Variants in ATG4C observed in about 807,000 individuals in gnomAD.
The protein encoded by ATG4C is cysteine protease ATG4C.
ATG4C carries 56 observed loss-of-function variants against 57.6 expected under a neutral mutation model. The ratio of observed to expected loss-of-function variants is 0.97; its 90% CI spans 0.78 to 1.21. ATG4C has a LOEUF of 1.21. ATG4C is among the 50% of genes most tolerant of loss of function. The pLI, the probability that ATG4C is intolerant of heterozygous loss-of-function variation, is 0.00. For synonymous variants in ATG4C, 157 were observed against 174.1 expected (o/e 0.90, Z 0.78); for missense variants, 595 against 529.8 (o/e 1.12, Z -1.21).
intron 1 of ATG4C, among the ~76,000 whole-genome samples, chr1:62,797,729 C>T (rs556178296): frequency 6.6e-6 from 1 of 152,212 alleles, no homozygotes; most frequent in South Asian, 2.1e-4. Context: ...CAACCTTATA[C>T]TGTTTTTCTT....
At chr1:62,847,331 C>G (rs767851562) in intron 10 of ATG4C, among the ~76,000 whole-genome samples, 1 of 152,164 alleles carries the variant, frequency 6.6e-6, no homozygotes, top group Admixed American at 6.5e-5. Flanking sequence ...CTGTCTGGAG[C>G]TGGATATGCA....
chr1:62,839,229 A>C (rs1158569227), intron 9 of ATG4C, among the ~76,000 whole-genome samples: 3 of 152,072 alleles, frequency 2.0e-5, no homozygotes, highest in South Asian at 2.1e-4. Flanking sequence ...TGGCTATTTA[A>C]AATTTTTTTT....
rs189426910 is a variant in ATG4C, at chr1:62,793,332, C to T, written c.-69+9059C>T. Among the ~76,000 whole-genome samples the T allele has an allele frequency of 7.0e-4, 106 of 151,832 alleles. 2 individuals are homozygous for T. The highest frequency in any genetic ancestry group is 2.5e-3 in the African/African-American group (104 of 41,400). On this transcript the variant is annotated intron_variant, in intron 1 of 10. Transcript: ENST00000317868. ...CTGTTAATATTAATACTTACTAGTG[C>T]CAGGCACAGTGGCTCATGCCTGTAG...
chr1:62,816,026 A>G (rs982692813), intron 3 of ATG4C, among the ~76,000 whole-genome samples: 1 of 152,108 alleles, frequency 6.6e-6, no homozygotes, highest in African/African-American at 2.4e-5. Flanking sequence ...TGGGGATTAT[A>G]GATGTGAGCC....
chr1:62,819,106 T>C lies in ATG4C; in HGVS notation c.496T>C (p.Ser166Pro). The part of the protein sequence containing the change: ...KFTASFEASL[S>P]GEREFKTPTI... ...TACTGCATCATTTGAAGCATCACTT[T>C]CAGGGGAAAGAGAATTCAAAACCCC... The change falls in exon 5 of 11, where the codon TCA becomes CCA. Residue 166 changes from serine (S) to proline (P), a missense_variant. Physicochemically the swap from Ser to Pro is moderately conservative, Grantham distance 74. Transcript: ENST00000317868. 2 of 1,613,112 alleles carry C rather than the reference T, an allele frequency of 1.2e-6. No individual in the cohort carries two copies. The highest frequency in any genetic ancestry group is 1.7e-6 in the Non-Finnish European group (2 of 1,179,494).
At chr1:62,851,486 GT>G (rs1666519345) in intron 10 of ATG4C, among the ~76,000 whole-genome samples, 1 of 152,008 alleles carries the variant, frequency 6.6e-6, no homozygotes, top group Non-Finnish European at 1.5e-5. Flanking sequence ...TCATTGATAG[GT>G]TCTTGGAAAC....
At position 62,810,443 on chromosome 1, in the gene ATG4C, T is replaced by C. The variant is rs573316270; in HGVS notation, c.160+5188T>C. ...TATTCTCTTCACCTCATTTAAGATA[T>C]TTTAATGCTAACATTTTCTTTTTGT... On this transcript the variant is annotated intron_variant, in intron 3 of 10. Coordinates refer to ENST00000317868, the MANE Select transcript of ATG4C (RefSeq NM_032852.4). 3.9e-5 allele frequency among the ~76,000 whole-genome samples: 6 copies of C among 152,330 alleles called. No individual in the cohort carries two copies. The South Asian group carries it at 1.2e-3, about 32-fold the overall frequency.
intron 10 of ATG4C, among the ~76,000 whole-genome samples, chr1:62,855,651 T>C (rs1337012484): frequency 6.6e-6 from 1 of 152,232 alleles, no homozygotes; most frequent in Non-Finnish European, 1.5e-5. Flanking sequence ...AGCTAACATT[T>C]GTTGAGTCTT....
intron 3 of ATG4C, among the ~76,000 whole-genome samples, chr1:62,808,250 T>C (rs960759749): frequency 1.4e-4 from 21 of 152,116 alleles, no homozygotes; most frequent in African/African-American, 4.8e-4. Context: ...ATCTGGCAGA[T>C]GATTGGATTT....
intron 9 of ATG4C, 40 bp downstream of exon 9, chr1:62,834,892 T>G: frequency 6.7e-7 from 1 of 1,501,984 alleles, no homozygotes; most frequent in Non-Finnish European, 9.2e-7. Context: ...TCTTACCATA[T>G]GAAGTAAACT....
chr1:62,811,788 A>G (rs11582138), intron 3 of ATG4C, among the ~76,000 whole-genome samples: 22,544 of 152,162 alleles, frequency 0.15, 1,922 homozygotes, highest in Middle Eastern at 0.21. Context: ...TGCTTCCTTT[A>G]TAGTAATTCC....
At chr1:62,827,690 A>C (rs2100329752) in intron 6 of ATG4C, among the ~76,000 whole-genome samples, 1 of 152,228 alleles carries the variant, frequency 6.6e-6, no homozygotes, top group East Asian at 1.9e-4. Context: ...TCAGGGGTAC[A>C]TGTGGTACTT....
At chr1:62,805,117 G>A in intron 2 of ATG4C, 55 bp from the exon 3 acceptor site, 2 of 1,479,304 alleles carry the variant, frequency 1.4e-6, no homozygotes, top group South Asian at 1.4e-5. Flanking sequence ...TAGACTTTTA[G>A]TCTGAAATCT....
intron 4 of ATG4C, 118 bp from the exon 5 acceptor site, chr1:62,818,886 AT>A: frequency 1.3e-6 from 1 of 764,796 alleles, no homozygotes; most frequent in Non-Finnish European, 2.0e-6. Context: ...GTATTTACCT[AT>A]TTTTGAATTT....
chr1:62,827,338 CT>C (rs138962849), intron 6 of ATG4C, among the ~76,000 whole-genome samples: 8,049 of 152,182 alleles, frequency 0.053, 723 homozygotes, highest in African/African-American at 0.18. Flanking sequence ...ACTTTTTGAT[CT>C]TTTAACTTGG....
chr1:62,788,430 T>C (rs185513256), intron 1 of ATG4C, among the ~76,000 whole-genome samples: 2 of 146,446 alleles, frequency 1.4e-5, no homozygotes, highest in East Asian at 2.0e-4. Flanking sequence ...TCTCTATAAA[T>C]ACACACACAC....
At chr1:62,861,755 C>T (rs1007969937) in intron 10 of ATG4C, among the ~76,000 whole-genome samples, 4 of 151,940 alleles carry the variant, frequency 2.6e-5, no homozygotes, top group Non-Finnish European at 5.9e-5. Flanking sequence ...AATTTTATAG[C>T]TTTATATCTT....
Position 62,805,225 on chromosome 1 carries a change from C to G in ATG4C, c.130C>G (p.Leu44Val), listed in dbSNP as rs143982322. ...TAGTAGAAATTCTCCTGTATTATTG[C>G]TTGGAAAATGTTACCATTTTAAATA... ...YFSRNSPVLL[L>V]GKCYHFKYED... Residue 44 changes from leucine (L) to valine (V), a missense_variant, in exon 3 of 11, where the codon CTT (leucine) becomes GTT (valine). Coordinates refer to ENST00000317868, the MANE Select transcript of ATG4C (RefSeq NM_032852.4). 6.0e-6 allele frequency: 9 copies of G among 1,504,590 alleles called. No individual in the cohort carries two copies. Among genetic ancestry groups the G allele is most frequent in the Non-Finnish European group, 7.9e-6 (9 of 1,135,660 alleles). 93.2% of individuals were successfully genotyped at this position (1,504,590 alleles called of 1,614,324 possible). A position where few individuals can be genotyped will look rare whatever the true frequency, so the allele number is the denominator to read the frequency against.
chr1:62,862,678 A>G (rs1666891404), intron 10 of ATG4C, among the ~76,000 whole-genome samples: 1 of 152,040 alleles, frequency 6.6e-6, no homozygotes, highest in Admixed American at 6.6e-5. Flanking sequence ...AGTTTTGTTA[A>G]TATTGATTGT....
Sources: gnomAD v4.1 joint callset for allele counts (sites outside exome capture counted in the v4.1 genomes callset) on GRCh38, gnomAD v4.1.1 for gene constraint, MANE v1.5 for transcripts, NCBI Gene and HGNC (gene_info 2026-07-23, HGNC 2026-07-21) for gene names.